PDGFC: variants seen among roughly 807,000 people sequenced by gnomAD.
The protein encoded by PDGFC is platelet derived growth factor C, also known as platelet-derived growth factor C.
In PDGFC, 12 loss-of-function variants were observed where a neutral mutation model predicts 35.5. The observed-to-expected ratio is 0.34, with a 90% CI of 0.22 to 0.55. PDGFC has a LOEUF of 0.55. Among genes scored for constraint, PDGFC ranks in the 20% least tolerant of loss-of-function variants. The pLI, the probability that PDGFC is intolerant of heterozygous loss-of-function variation, is 0.91. For missense variants in PDGFC, 322 were observed against 412.4 expected, an observed-to-expected ratio of 0.78 and a Z score of 1.90; for synonymous variants, 159 against 148.8, an observed-to-expected ratio of 1.07 and a Z score of -0.50.
chr4:156,891,420 C>T (rs1730507504), intron 1 of PDGFC, among the ~76,000 whole-genome samples: 1 of 148,720 alleles, frequency 6.7e-6, no homozygotes, highest in African/African-American at 2.4e-5. Flanking sequence ...TGTGCCTCTA[C>T]ACGCACAAGA....
At chr4:156,866,124 A>G (rs1729835422) in intron 1 of PDGFC, among the ~76,000 whole-genome samples, 1 of 152,132 alleles carries the variant, frequency 6.6e-6, no homozygotes, top group South Asian at 2.1e-4. Context: ...ACCCGAGGAC[A>G]GTCCCCAGTG....
intron 1 of PDGFC, chr4:156,967,611 T>C (rs1269406954): frequency 1.3e-5 from 2 of 152,180 alleles, no homozygotes; most frequent in Non-Finnish European, 2.9e-5. Context: ...ACCAACAACT[T>C]TGTCATTGAC....
intron 1 of PDGFC, among the ~76,000 whole-genome samples, chr4:156,852,198 A>G (rs1159224504): frequency 6.6e-6 from 1 of 152,108 alleles, no homozygotes; most frequent in Non-Finnish European, 1.5e-5. Context: ...ATTGGTATTC[A>G]TAATTTGGAG....
At chr4:156,833,306 G>A (rs755234428) in intron 2 of PDGFC, among the ~76,000 whole-genome samples, 2 of 152,194 alleles carry the variant, frequency 1.3e-5, no homozygotes, top group Non-Finnish European at 2.9e-5. Context: ...TGTAACTCAG[G>A]CTTCTTTAGT....
intron 2 of PDGFC, among the ~76,000 whole-genome samples, chr4:156,841,086 T>C (rs1729192065): frequency 1.3e-5 from 2 of 151,792 alleles, no homozygotes; most frequent in Admixed American, 6.6e-5. Flanking sequence ...AGTTAAGATT[T>C]TGGGGGACTG....
chr4:156,905,531 C>G (rs952910238), intron 1 of PDGFC, among the ~76,000 whole-genome samples: 4 of 151,994 alleles, frequency 2.6e-5, no homozygotes, highest in African/African-American at 7.2e-5. Flanking sequence ...AGTGTTAGAG[C>G]CAGGATGCAT....
At chr4:156,912,826 A>G (rs1355685304) in intron 1 of PDGFC, among the ~76,000 whole-genome samples, 2 of 151,998 alleles carry the variant, frequency 1.3e-5, no homozygotes. Flanking sequence ...TGCAACACAG[A>G]CTACCCAGAA....
At chr4:156,880,813 G>A (rs1274060434) in intron 1 of PDGFC, among the ~76,000 whole-genome samples, 1 of 152,050 alleles carries the variant, frequency 6.6e-6, no homozygotes, top group African/African-American at 2.4e-5. Flanking sequence ...GTGAATTGCT[G>A]CAAAATTATA....
At chr4:156,925,077 C>T (rs1425430429) in intron 1 of PDGFC, among the ~76,000 whole-genome samples, 8 of 152,130 alleles carry the variant, frequency 5.3e-5, no homozygotes, top group Admixed American at 5.2e-4. Flanking sequence ...AGATTCCAGA[C>T]TGAGGAAATC....
chr4:156,807,791 C>A (rs1253899912), intron 3 of PDGFC, among the ~76,000 whole-genome samples: 1 of 151,926 alleles, frequency 6.6e-6, no homozygotes, highest in Non-Finnish European at 1.5e-5. Flanking sequence ...ATAAACTTAA[C>A]CCATAATTTG....
chr4:156,942,104 A>C (rs1731821999), intron 1 of PDGFC, among the ~76,000 whole-genome samples: 1 of 152,026 alleles, frequency 6.6e-6, no homozygotes, highest in South Asian at 2.1e-4. Flanking sequence ...GTCTGCCTAA[A>C]GACGAGAGGG....
chr4:156,815,872 C>G (rs1732072789), intron 2 of PDGFC, among the ~76,000 whole-genome samples: 1 of 152,154 alleles, frequency 6.6e-6, no homozygotes, highest in Non-Finnish European at 1.5e-5. Flanking sequence ...CAACATGATA[C>G]AGAGCATACA....
At chr4:156,879,192 TTA>T (rs1389118172) in intron 1 of PDGFC, among the ~76,000 whole-genome samples, 2 of 152,150 alleles carry the variant, frequency 1.3e-5, no homozygotes, top group African/African-American at 4.8e-5. Context: ...AATTTAACAG[TTA>T]AATCAATCCT....
intron 2 of PDGFC, among the ~76,000 whole-genome samples, chr4:156,844,285 T>A (rs1729273238): frequency 6.6e-6 from 1 of 152,178 alleles, no homozygotes; most frequent in African/African-American, 2.4e-5. Flanking sequence ...TATTTTTAAG[T>A]TCAGTGTGCA....
At chr4:156,862,534 T>C (rs539220012) in intron 1 of PDGFC, among the ~76,000 whole-genome samples, 16 of 152,286 alleles carry the variant, frequency 1.1e-4, no homozygotes, top group Non-Finnish European at 1.5e-4. Context: ...AAAGTTTTAA[T>C]ATTGCTTGTT....
At chr4:156,785,688 T>C (rs1337200836) in intron 3 of PDGFC, among the ~76,000 whole-genome samples, 1 of 152,204 alleles carries the variant, frequency 6.6e-6, no homozygotes, top group African/African-American at 2.4e-5. Context: ...GTAACATTCA[T>C]GCAGTTACAA....
In PDGFC at chr4:156,938,298, T is replaced by C. The variant is rs143492310; in HGVS notation, c.118+32488A>G. Among the ~76,000 whole-genome samples, 559 of 152,148 alleles carry C rather than the reference T, an allele frequency of 3.7e-3. 21 individuals carry two copies. The East Asian group carries it at 0.094, about 26-fold the overall frequency. ...TGTAGAGCAGATCCTAAGCGCTAAA[T>C]AAAAAAATCCTAGAATCCAATCATA... On this transcript the variant is annotated intron_variant, in intron 1 of 5. Coordinates refer to ENST00000502773, the MANE Select transcript of PDGFC (RefSeq NM_016205.3).
intron 1 of PDGFC, chr4:156,886,944 T>C (rs764812405): frequency 1.3e-5 from 2 of 152,204 alleles, no homozygotes; most frequent in Non-Finnish European, 2.9e-5. Flanking sequence ...ATAAACAATA[T>C]TTAAGCTATG....
intron 1 of PDGFC, among the ~76,000 whole-genome samples, chr4:156,954,452 GTTATATC>G (rs1450317354): frequency 6.6e-6 from 1 of 151,880 alleles, no homozygotes; most frequent in African/African-American, 2.4e-5. Context: ...AAGCACATGA[GTTATATC>G]TTATGTTAAC....
Sources: allele counts gnomAD v4.1 joint callset (sites outside exome capture counted in the v4.1 genomes callset), GRCh38; gene constraint gnomAD v4.1.1; transcripts MANE v1.5; gene names NCBI Gene and HGNC (gene_info 2026-07-23, HGNC 2026-07-21).